CD34: variants seen among roughly 807,000 people sequenced by gnomAD.
The protein encoded by CD34 is CD34 molecule.
Under a neutral mutation model 40.1 loss-of-function variants are expected in CD34, and 34 were observed. The observed-to-expected ratio is 0.85, with a 90% CI of 0.65 to 1.13. The LOEUF is 1.13. Ranked by LOEUF, CD34 falls within the 50% of genes most tolerant of loss-of-function variation. The pLI, the probability that CD34 is intolerant of heterozygous loss-of-function variation, is 0.00. For synonymous variants in CD34, 209 were observed against 190.0 expected, an observed-to-expected ratio of 1.10 and a Z score of -0.82; for missense variants, 426 against 466.9, an observed-to-expected ratio of 0.91 and a Z score of 0.81.
intron 1 of CD34, among the ~76,000 whole-genome samples, chr1:207,900,423 A>G (rs1662250750): frequency 1.3e-5 from 2 of 152,218 alleles, no homozygotes; most frequent in South Asian, 4.1e-4. Context: ...CTAAAATATA[A>G]AATTACACCT....
intron 1 of CD34, among the ~76,000 whole-genome samples, chr1:207,909,044 C>T (rs938744221): frequency 2.0e-5 from 3 of 152,066 alleles, no homozygotes; most frequent in Non-Finnish European, 4.4e-5. Context: ...CTAGTATTAA[C>T]AAAACAAAAC....
intron 4 of CD34, among the ~76,000 whole-genome samples, chr1:207,893,675 G>A (rs1197983697): frequency 6.6e-6 from 1 of 152,178 alleles, no homozygotes; most frequent in East Asian, 1.9e-4. Context: ...GTGAATAAGA[G>A]TAAAGTGAGC....
chr1:207,899,541 C>T (rs936552902), intron 2 of CD34, among the ~76,000 whole-genome samples: 3 of 152,112 alleles, frequency 2.0e-5, no homozygotes, highest in Non-Finnish European at 4.4e-5. Context: ...GTCTTCTGAT[C>T]CTTATTTTAT....
rs1234345862 is a variant in CD34, at chr1:207,884,430, A to G, written c.*3308T>C. The G allele has an allele frequency of 6.6e-6, 1 of 152,258 alleles. No homozygotes were observed. Among genetic ancestry groups the G allele is most frequent in the Admixed American group, 6.5e-5 (1 of 15,286 alleles). The allele number at this position is 152,258 out of a possible 1,614,324, so 9.4% of individuals were successfully genotyped here. On this transcript the variant is annotated 3_prime_UTR_variant, in exon 8 of 8. Transcript: ENST00000310833. The stretch of plus-strand genomic sequence containing the variant: ...CAGTCTCAAGAACAGTGTCTGGCAC[A>G]TAACAGATGTTCTGGCACATTTCGC...
intron 4 of CD34, 68 bp downstream of exon 4, chr1:207,897,425 G>C: frequency 1.7e-6 from 2 of 1,156,132 alleles, no homozygotes; most frequent in South Asian, 1.3e-5. Context: ...AAGGTTTAAG[G>C]GTGTTCAGAA....
intron 4 of CD34, among the ~76,000 whole-genome samples, chr1:207,893,698 T>A (rs11118825): frequency 0.2 from 29,882 of 152,134 alleles, 3,294 homozygotes; most frequent in East Asian, 0.39. Context: ...GCTGAGTAAT[T>A]ACAAACTCTG....
intron 4 of CD34, chr1:207,890,328 T>G: frequency 1.5e-6 from 1 of 660,862 alleles, no homozygotes; most frequent in Middle Eastern, 7.9e-4. Context: ...CAGCCTCCAA[T>G]CAGAGTGTCC....
intron 1 of CD34, among the ~76,000 whole-genome samples, chr1:207,910,754 C>G (rs528756661): frequency 6.6e-6 from 1 of 152,254 alleles, no homozygotes; most frequent in Non-Finnish European, 1.5e-5. Flanking sequence ...TGGAACCAGT[C>G]GTGCTGACCG....
intron 4 of CD34, among the ~76,000 whole-genome samples, chr1:207,891,188 T>C (rs1662026495): frequency 6.6e-6 from 1 of 152,142 alleles, no homozygotes; most frequent in Admixed American, 6.5e-5. Flanking sequence ...AATGGCACCT[T>C]CCTCCACCTG....
chr1:207,910,850 G>GC, intron 1 of CD34, 152 bp downstream of exon 1: 4 of 744,162 alleles, frequency 5.4e-6, no homozygotes, highest in Non-Finnish European at 8.5e-6. Flanking sequence ...TGAGGCGCTG[G>GC]CCCCGGGGGG....
intron 3 of CD34, among the ~76,000 whole-genome samples, chr1:207,898,021 AT>A (rs1224947312): frequency 2.1e-5 from 3 of 140,732 alleles, no homozygotes; most frequent in African/African-American, 8.3e-5. Context: ...CCAAATTCCC[AT>A]TTTGGCTCTT....
rs1263891963 is a variant in CD34, at chr1:207,886,797, G to A, written c.*941C>T. On this transcript the variant is annotated 3_prime_UTR_variant, in exon 8 of 8. Coordinates refer to ENST00000310833, the MANE Select transcript of CD34 (RefSeq NM_001025109.2). ...GGTGCAGAGCAAGGAAGGGGCTCAGGGTGAGGGAGGCAGAGACAGAAAAGC... is the reference window on the plus strand; with the variant it reads ...GGTGCAGAGCAAGGAAGGGGCTCAGAGTGAGGGAGGCAGAGACAGAAAAGC... 2 of 152,814 alleles carry A rather than the reference G, an allele frequency of 1.3e-5. No homozygotes were observed. 9.5% of individuals were successfully genotyped at this position (152,814 alleles called of 1,614,324 possible). A position where few individuals can be genotyped will look rare whatever the true frequency, so the allele number is the denominator to read the frequency against.
chr1:207,891,927 C>T (rs1288270879), intron 4 of CD34, among the ~76,000 whole-genome samples: 2 of 151,996 alleles, frequency 1.3e-5, no homozygotes, highest in Non-Finnish European at 2.9e-5. Flanking sequence ...GGTTAGCAGA[C>T]ACATGTCACT....
At position 207,881,008 on chromosome 1, in the gene CD34, C is replaced by T. The variant is rs1245584911; in HGVS notation, c.*6730G>A. On this transcript the variant is annotated 3_prime_UTR_variant, in exon 8 of 8. Transcript: ENST00000310833. ...ACTATAAGGTCATGTTTAACAACAACAACAAAACATTTTATGAGGTTCCAG... is the reference window on the plus strand; with the variant it reads ...ACTATAAGGTCATGTTTAACAACAATAACAAAACATTTTATGAGGTTCCAG... The T allele has an allele frequency of 6.6e-6, 1 of 152,066 alleles. No homozygotes were observed. Among genetic ancestry groups the T allele is most frequent in the African/African-American group, 2.4e-5 (1 of 41,412 alleles). 9.4% of individuals were successfully genotyped at this position (152,066 alleles called of 1,614,324 possible).
intron 1 of CD34, among the ~76,000 whole-genome samples, chr1:207,903,559 T>G (rs2102304851): frequency 6.6e-6 from 1 of 152,366 alleles, no homozygotes; most frequent in African/African-American, 2.4e-5. Flanking sequence ...CTCTAGTTGA[T>G]CTCAACTTAT....
At position 207,886,497 on chromosome 1, in the gene CD34, G is replaced by A. The variant is rs1243739223; in HGVS notation, c.*1241C>T. 6.6e-6 allele frequency: 1 copy of A among 152,302 alleles called. No homozygotes were observed. Among genetic ancestry groups the A allele is most frequent in the African/African-American group, 2.4e-5 (1 of 41,450 alleles). 9.4% of individuals were successfully genotyped at this position (152,302 alleles called of 1,614,324 possible). A position where few individuals can be genotyped will look rare whatever the true frequency, so the allele number is the denominator to read the frequency against. ...AGGTCTAATGGAGGGTGTCACTCTT[G>A]CATGCAGACACACCCAGCTAAGACA... On this transcript the variant is annotated 3_prime_UTR_variant, in exon 8 of 8. Coordinates refer to ENST00000310833, the MANE Select transcript of CD34 (RefSeq NM_001025109.2).
rs75161104 is a variant in CD34, at chr1:207,882,799, A to T, written c.*4939T>A. 1 of 152,138 alleles carries T rather than the reference A, an allele frequency of 6.6e-6. No homozygotes were observed. Among genetic ancestry groups the T allele is most frequent in the East Asian group, 1.9e-4 (1 of 5,158 alleles). 9.4% of individuals were successfully genotyped at this position (152,138 alleles called of 1,614,324 possible). Reference sequence around the variant, plus strand: ...TTTTCTCCTCTTTAACTCCTGCTTGACCAAAGGATCAGTCCAGACGTCACT... The same window carrying T: ...TTTTCTCCTCTTTAACTCCTGCTTGTCCAAAGGATCAGTCCAGACGTCACT... On this transcript the variant is annotated 3_prime_UTR_variant, in exon 8 of 8. Coordinates refer to ENST00000310833, the MANE Select transcript of CD34 (RefSeq NM_001025109.2).
chr1:207,894,365 C>A (rs568062569), intron 4 of CD34, among the ~76,000 whole-genome samples: 1 of 152,124 alleles, frequency 6.6e-6, no homozygotes. Context: ...GTCATAGGAA[C>A]ATAGGAACAG....
intron 4 of CD34, among the ~76,000 whole-genome samples, chr1:207,895,029 G>A (rs376193583): frequency 1.2e-4 from 18 of 152,122 alleles, no homozygotes; most frequent in African/African-American, 3.6e-4. Context: ...TGTGATGCTC[G>A]GGGAAACCAA....
Sources: gnomAD v4.1 joint callset for allele counts (sites outside exome capture counted in the v4.1 genomes callset) on GRCh38, gnomAD v4.1.1 for gene constraint, MANE v1.5 for transcripts, NCBI Gene and HGNC (gene_info 2026-07-23, HGNC 2026-07-21) for gene names.